The following CACNA1D variants were observed in gnomAD, a reference collection of about 807,000 sequenced individuals.
CACNA1D encodes voltage-dependent L-type calcium channel subunit alpha-1D.
In CACNA1D, 55 loss-of-function variants were observed where a neutral mutation model predicts 257.1. That is an observed-to-expected ratio of 0.21 (90% CI 0.17 to 0.27). The LOEUF (loss-of-function observed/expected upper bound fraction) is 0.27. CACNA1D is among the 10% of genes least tolerant of loss of function. CACNA1D has a pLI of 1.00. For synonymous variants in CACNA1D, 980 were observed against 1,014.9 expected, an observed-to-expected ratio of 0.97 and a Z score of 0.65; for missense variants, 1,876 against 2,784.0, an observed-to-expected ratio of 0.67 and a Z score of 7.34.
chr3:53,644,938 T>A (rs551988103), intron 3 of CACNA1D, among the ~76,000 whole-genome samples: 1 of 152,342 alleles, frequency 6.6e-6, no homozygotes, highest in East Asian at 1.9e-4. Context: ...TACACTCCTA[T>A]CAACAGTGTA....
intron 7 of CACNA1D, among the ~76,000 whole-genome samples, chr3:53,668,111 C>A (rs2094287146): frequency 6.6e-6 from 1 of 152,090 alleles, no homozygotes; most frequent in Non-Finnish European, 1.5e-5. Flanking sequence ...ACTGATACTT[C>A]CCCTCCCCAA....
chr3:53,495,125 A>C lies in CACNA1D; in HGVS notation c.-42A>C. ...TTCCGCCCCCGCCTCAACGCCCAGC[A>C]CAGTGCCCTGCACACAGTAGTCGCT... On this transcript the variant is annotated 5_prime_UTR_variant, in exon 1 of 48. Transcript: ENST00000350061. The surrounding 1 kb of genome is among the most constrained non-coding windows in gnomAD (Gnocchi z 5.1). The C allele has an allele frequency of 7.2e-7, 1 of 1,384,424 alleles. No homozygotes were observed. The highest frequency in any genetic ancestry group is 1.1e-5 in the South Asian group (1 of 87,100). 85.8% of individuals were successfully genotyped at this position (1,384,424 alleles called of 1,614,324 possible). A position where few individuals can be genotyped will look rare whatever the true frequency, so the allele number is the denominator to read the frequency against.
intron 9 of CACNA1D, among the ~76,000 whole-genome samples, chr3:53,714,913 A>C (rs912411215): frequency 6.6e-6 from 1 of 151,420 alleles, no homozygotes; most frequent in African/African-American, 2.5e-5. Flanking sequence ...AGGGAAAGTC[A>C]TATTAATTTT....
At chr3:53,705,562 G>A (rs1285013659) in intron 9 of CACNA1D, among the ~76,000 whole-genome samples, 1 of 152,216 alleles carries the variant, frequency 6.6e-6, no homozygotes, top group African/African-American at 2.4e-5. Flanking sequence ...TTTCTGTGGT[G>A]CGCCCTTGTT....
intron 11 of CACNA1D, among the ~76,000 whole-genome samples, chr3:53,720,531 T>A (rs2108697794): frequency 6.6e-6 from 1 of 152,324 alleles, no homozygotes; most frequent in East Asian, 1.9e-4. Flanking sequence ...ATCCCATATA[T>A]ATAAAGATTA....
At chr3:53,617,359 A>G (rs906337391) in intron 3 of CACNA1D, among the ~76,000 whole-genome samples, 15 of 152,210 alleles carry the variant, frequency 9.9e-5, no homozygotes, top group African/African-American at 3.6e-4. Context: ...CTAAGAGCAC[A>G]GGTCTTGGAG....
chr3:53,697,203 G>A (rs371478714), intron 8 of CACNA1D, among the ~76,000 whole-genome samples: 7 of 152,224 alleles, frequency 4.6e-5, no homozygotes, highest in Non-Finnish European at 7.3e-5. Context: ...TGGCCGTGGA[G>A]GCTGCTCCAG....
At chr3:53,552,481 G>A (rs563790620) in intron 3 of CACNA1D, among the ~76,000 whole-genome samples, 100 of 152,040 alleles carry the variant, frequency 6.6e-4, no homozygotes, top group Admixed American at 2.6e-3. Context: ...TCCAGGTTCA[G>A]GCAATTCTCC....
chr3:53,615,385 T>C (rs1336047503), intron 3 of CACNA1D, among the ~76,000 whole-genome samples: 1 of 152,212 alleles, frequency 6.6e-6, no homozygotes, highest in Non-Finnish European at 1.5e-5. Flanking sequence ...AGCAACCCGG[T>C]TGCCCTGTGC....
chr3:53,713,502 ATGTGTGTG>A (rs35655186), intron 9 of CACNA1D, among the ~76,000 whole-genome samples: 37 of 129,458 alleles, frequency 2.9e-4, no homozygotes, highest in South Asian at 1.4e-3. Context: ...CTCTGTGTGT[ATGTGTGTG>A]TGTGTGTGTG....
intron 3 of CACNA1D, among the ~76,000 whole-genome samples, chr3:53,527,915 C>T (rs947944227): frequency 8.5e-5 from 13 of 152,100 alleles, no homozygotes; most frequent in African/African-American, 2.9e-4. Context: ...TGTAGGCTCT[C>T]ATTAGAACTT....
chr3:53,769,991 G>A lies in CACNA1D; in HGVS notation c.3889G>A (p.Val1297Ile), dbSNP rs1324179821. 3.7e-6 allele frequency: 6 copies of A among 1,613,408 alleles called. No homozygotes were observed. The highest frequency in any genetic ancestry group is 2.2e-5 in the South Asian group (2 of 91,064). The change falls in exon 31 of 48, where the codon GTC (valine) becomes ATC (isoleucine). Residue 1297 changes from valine to isoleucine, a missense_variant. Physicochemically the swap from Val to Ile is conservative, Grantham distance 29. Around this residue, in one of 10 missense-constraint regions of CACNA1D, gnomAD observed 204 missense variants for 309.4 expected, o/e 0.66. Transcript: ENST00000350061. Reference sequence around the variant, plus strand: ...CTTAAAGCCAACTGAAAGTGAAAATGTCCCTGTCCCAACTGCTACACCTGG... The same window carrying A: ...CTTAAAGCCAACTGAAAGTGAAAATATCCCTGTCCCAACTGCTACACCTGG... ...SEADPTESEN[V>I]PVPTATPGNS... is the part of the protein sequence containing the mutation.
At chr3:53,626,476 G>A (rs556845559) in intron 3 of CACNA1D, among the ~76,000 whole-genome samples, 2 of 152,296 alleles carry the variant, frequency 1.3e-5, no homozygotes, top group African/African-American at 4.8e-5. Context: ...AAGGCTGCGA[G>A]GGGAAATGGA....
intron 5 of CACNA1D, among the ~76,000 whole-genome samples, chr3:53,662,369 G>A (rs956086012): frequency 3.9e-5 from 6 of 152,088 alleles, no homozygotes; most frequent in Middle Eastern, 3.4e-3. Context: ...CTGTGTTGAC[G>A]TCCCCCATTC....
chr3:53,627,090 C>T (rs1040009140), intron 3 of CACNA1D, among the ~76,000 whole-genome samples: 3 of 152,198 alleles, frequency 2.0e-5, no homozygotes, highest in Non-Finnish European at 2.9e-5. Flanking sequence ...TGAAACTGGC[C>T]AGGCAGCAGC....
intron 26 of CACNA1D, chr3:53,749,058 A>G: frequency 1.4e-6 from 1 of 694,020 alleles, no homozygotes; most frequent in Non-Finnish European, 2.6e-6. Context: ...TCCCTCGATG[A>G]TGATATCCTG....
chr3:53,619,838 T>C (rs940668519), intron 3 of CACNA1D, among the ~76,000 whole-genome samples: 10 of 152,220 alleles, frequency 6.6e-5, no homozygotes, highest in African/African-American at 2.4e-4. Context: ...ATAAACTCGC[T>C]GCAGTGCCTA....
At chr3:53,779,896 AT>A in intron 37 of CACNA1D, 129 bp from the exon 38 acceptor site, 1 of 746,972 alleles carries the variant, frequency 1.3e-6, no homozygotes, top group Non-Finnish European at 2.4e-6. Flanking sequence ...GTACCCCCAA[AT>A]GGCTGTTGAA....
At chr3:53,566,538 C>T (rs2092842392) in intron 3 of CACNA1D, among the ~76,000 whole-genome samples, 1 of 152,140 alleles carries the variant, frequency 6.6e-6, no homozygotes, top group Non-Finnish European at 1.5e-5. Context: ...ACTGTCTGCC[C>T]TCCCTCGCTT....
Sources: gnomAD v4.1 joint callset for allele counts (sites outside exome capture counted in the v4.1 genomes callset) on GRCh38, gnomAD v4.1.1 for gene constraint, gnomAD v4.1.1 regional missense constraint, Gnocchi (gnomAD v3.1) non-coding constraint, MANE v1.5 for transcripts, NCBI Gene and HGNC (gene_info 2026-07-23, HGNC 2026-07-21) for gene names.